Variants in ECHDC2 observed in about 807,000 individuals in gnomAD.
ECHDC2 encodes the protein enoyl-CoA hydratase domain-containing protein 2, mitochondrial.
In ECHDC2, 34 loss-of-function variants were observed where a neutral mutation model predicts 40.6. The observed-to-expected ratio is 0.84, with a 90% CI of 0.64 to 1.11. The LOEUF is 1.11. Among genes scored for constraint, ECHDC2 ranks in the 50% most tolerant of loss-of-function variants. The probability of loss-of-function intolerance (pLI) is 0.00; values close to 1 mark genes in which losing one functional copy is unlikely to be tolerated. For missense variants in ECHDC2, 392 were observed against 400.7 expected (o/e 0.98, Z 0.19); for synonymous variants, 162 against 166.6 (o/e 0.97, Z 0.21).
intron 3 of ECHDC2, among the ~76,000 whole-genome samples, chr1:52,910,822 C>T (rs984798049): frequency 1.3e-5 from 2 of 152,202 alleles, no homozygotes; most frequent in Admixed American, 6.5e-5. Flanking sequence ...GGTGGGCAAG[C>T]GCCTTGGCGG....
intron 1 of ECHDC2, chr1:52,913,856 G>C: frequency 1.0e-6 from 1 of 975,194 alleles, no homozygotes. Context: ...ACACGTATCT[G>C]CCTTGGCTTT....
chr1:52,908,092 G>C, intron 3 of ECHDC2, 138 bp from the exon 4 acceptor site: 2 of 688,268 alleles, frequency 2.9e-6, no homozygotes. Flanking sequence ...CCCGGGCAAG[G>C]AAGTCAAGGG....
intron 1 of ECHDC2, among the ~76,000 whole-genome samples, chr1:52,918,949 C>A (rs539561368): frequency 1.3e-5 from 2 of 152,144 alleles, no homozygotes; most frequent in African/African-American, 4.8e-5. Context: ...TACAGCAGCT[C>A]CCCATGGCTT....
rs150157814 is a variant in ECHDC2 at position 52,904,812 on chromosome 1, C to T, written c.536G>A (p.Arg179His). Residue 179 changes from arginine to histidine, a missense_variant, in exon 7 of 10, where the codon CGT (arginine) becomes CAT (histidine). Physicochemically the swap from Arg to His is conservative, Grantham distance 29 (BLOSUM62 0). Transcript: ENST00000371522. ...PGAGGTQRLP[R>H]CLGVALAKEL... Reference sequence around the variant, plus strand: ...CTTCGCCAGGGCCACCCCCAGACAACGGGGCAGCCTCTGAGTCCCTCCTAC... The same window carrying T: ...CTTCGCCAGGGCCACCCCCAGACAATGGGGCAGCCTCTGAGTCCCTCCTAC... 41 of 1,612,470 alleles carry T rather than the reference C, an allele frequency of 2.5e-5. No individual in the cohort carries two copies. Among genetic ancestry groups the T allele is most frequent in the African/African-American group, 1.3e-4 (10 of 74,910 alleles).
rs923471297 is a variant in ECHDC2 at position 52,899,177 on chromosome 1, C to T, written c.750G>A (p.Thr250=). The T allele has an allele frequency of 1.9e-6, 3 of 1,614,194 alleles. No homozygotes were observed. Among genetic ancestry groups the T allele is most frequent in the East Asian group, 2.2e-5 (1 of 44,870 alleles). ...TCCCAACCCAAAACCCTCTCACCTC[C>T]GTTCCTCGGTCAATGGCTACTTTGC... ...RLGKVAIDRG[T]EVDIASGMAI... is the part of the protein sequence containing the mutation. Residue 250 remains threonine (T), a synonymous_variant, in exon 8 of 10, where the codon ACG becomes ACA. Transcript: ENST00000371522.
Position 52,900,324 on chromosome 1 carries a change from C to CA in ECHDC2, c.703-1101dup, listed in dbSNP as rs550271146. ...AGTATGCCACAGGAGAGCAATTTGG[C>CA]AAAAACTGGCAAAATGCTGGTGTGC... On this transcript the variant is annotated intron_variant, in intron 7 of 9. Transcript: ENST00000371522. 9.3e-4 allele frequency: 141 copies of CA among 152,186 alleles called. 1 individual carries two copies. The highest frequency in any genetic ancestry group is 3.2e-3 in the African/African-American group (133 of 41,538). The allele number at this position is 152,186 out of a possible 1,614,324, so 9.4% of individuals were successfully genotyped here. A position where few individuals can be genotyped will look rare whatever the true frequency, so the allele number is the denominator to read the frequency against.
Position 52,911,650 on chromosome 1 carries a change from G to A in ECHDC2, c.193C>T (p.Leu65=), listed in dbSNP as rs574010101. 1.2e-6 allele frequency: 2 copies of A among 1,614,196 alleles called. No homozygotes were observed. The highest frequency in any genetic ancestry group is 3.3e-5 in the Admixed American group (2 of 60,028). Residue 65 remains leucine (L), a synonymous_variant, in exon 3 of 10, where the codon CTG becomes TTG. Coordinates refer to ENST00000371522, the MANE Select transcript of ECHDC2 (RefSeq NM_001198961.2). ...TCCCGCAGCTGGGCCAGAGTTTCCA[G>A]CAGCTACAGAGGACACCCAGTTAGA... ...ALGNVFVSEL[L]ETLAQLREDR...
chr1:52,921,591 G>A lies in ECHDC2; in HGVS notation c.83C>T (p.Ser28Leu), dbSNP rs773054731. 1.6e-5 allele frequency: 25 copies of A among 1,607,668 alleles called. No individual in the cohort carries two copies. The highest frequency in any genetic ancestry group is 2.1e-5 in the Non-Finnish European group (25 of 1,177,864). ...CGCCAGGGCGCGCACTTGGATCTCT[G>A]AGCCCCCGGCCGCCCCGTCGGAAGC... is the stretch of plus-strand genomic sequence containing the variant. ...GCASDGAAGG[S>L]EIQVRALAGP... is the part of the protein sequence containing the mutation. The change falls in exon 1 of 10, where the codon TCA becomes TTA. Residue 28 changes from serine (S) to leucine (L), a missense_variant. Coordinates refer to ENST00000371522, the MANE Select transcript of ECHDC2 (RefSeq NM_001198961.2).
At chr1:52,905,219 A>AT in intron 5 of ECHDC2, 129 bp from the exon 6 acceptor site, 1 of 967,776 alleles carries the variant, frequency 1.0e-6, no homozygotes, top group Non-Finnish European at 1.6e-6. Flanking sequence ...GGCCACAGCC[A>AT]GGCCTCTCCA....
intron 1 of ECHDC2, chr1:52,921,296 T>A: frequency 1.4e-6 from 1 of 734,808 alleles, no homozygotes; most frequent in Non-Finnish European, 1.9e-6. Context: ...CGCTCCCCCT[T>A]CCACACAGTC....
chr1:52,916,981 T>C (rs1401962334), intron 1 of ECHDC2, among the ~76,000 whole-genome samples: 2 of 152,158 alleles, frequency 1.3e-5, no homozygotes, highest in East Asian at 1.9e-4. Flanking sequence ...CCCAGCACTT[T>C]GGGAGGCCGA....
At position 52,901,910 on chromosome 1, in the gene ECHDC2, G is replaced by A. The variant is rs1276539280; in HGVS notation, c.703-2686C>T. 7 of 152,098 alleles carry A rather than the reference G, an allele frequency of 4.6e-5. No individual in the cohort carries two copies. In the East Asian group the frequency reaches 1.3e-3, roughly 29 times the overall value. 9.4% of individuals were successfully genotyped at this position (152,098 alleles called of 1,614,324 possible). A position where few individuals can be genotyped will look rare whatever the true frequency, so the allele number is the denominator to read the frequency against. On this transcript the variant is annotated intron_variant, in intron 7 of 9. Coordinates refer to ENST00000371522, the MANE Select transcript of ECHDC2 (RefSeq NM_001198961.2). ...AAGCTGCAATCAGCCACTCCATTGA[G>A]TGACCCAGAGTTCTGTATTAGTTCG...
chr1:52,902,086 A>G (rs1320395008), intron 7 of ECHDC2: 1 of 152,106 alleles, frequency 6.6e-6, no homozygotes, highest in Non-Finnish European at 1.5e-5. Flanking sequence ...CAAATTAAAG[A>G]AGATCTGTTT....
At chr1:52,903,851 G>C (rs1337116200) in intron 7 of ECHDC2, among the ~76,000 whole-genome samples, 1 of 144,540 alleles carries the variant, frequency 6.9e-6, no homozygotes, top group Admixed American at 7.2e-5. Context: ...ATGAAGTCTC[G>C]TCCTGTCGCC....
rs777603823 is a variant in ECHDC2 at position 52,921,692 on chromosome 1, T to C, written c.-19A>G. ...GCAGCATCGGGGCGCAGGCTGGGAG[T>C]GAAGGTGCTTCTCCGGCCCTGCACC... On this transcript the variant is annotated 5_prime_UTR_variant, in exon 1 of 10. Transcript: ENST00000371522. 4 of 1,533,212 alleles carry C rather than the reference T, an allele frequency of 2.6e-6. No homozygotes were observed. The South Asian group carries it at 5.0e-5, about 19-fold the overall frequency. The allele number at this position is 1,533,212 out of a possible 1,614,324, so 95.0% of individuals were successfully genotyped here.
At chr1:52,919,141 G>A (rs1206714300) in intron 1 of ECHDC2, among the ~76,000 whole-genome samples, 2 of 152,202 alleles carry the variant, frequency 1.3e-5, no homozygotes, top group South Asian at 2.1e-4. Context: ...CTGTCCGCCC[G>A]CAAGTCCATG....
intron 3 of ECHDC2, among the ~76,000 whole-genome samples, chr1:52,909,784 A>G (rs1255306239): frequency 1.3e-5 from 2 of 152,190 alleles, no homozygotes; most frequent in East Asian, 1.9e-4. Context: ...TTTGTTGTTA[A>G]CATTTTCAAT....
Position 52,899,208 on chromosome 1 carries a change from C to T in ECHDC2, c.719G>A (p.Arg240Gln), listed in dbSNP as rs370118920. 28 of 1,613,500 alleles carry T rather than the reference C, an allele frequency of 1.7e-5. No individual in the cohort carries two copies. The highest frequency in any genetic ancestry group is 3.3e-5 in the South Asian group (3 of 91,068). ...TCGGTCAATGGCTACTTTGCCCAGC[C>T]GCACGGCAATGGGGGCCTAGGGAAA... Reference protein sequence around the residue: ...EILPQAPIAVRLGKVAIDRGT... With the variant: ...EILPQAPIAVQLGKVAIDRGT... Residue 240 changes from arginine (R) to glutamine (Q), a missense_variant, in exon 8 of 10, where the codon CGG becomes CAG. Transcript: ENST00000371522.
intron 1 of ECHDC2, among the ~76,000 whole-genome samples, chr1:52,918,838 T>G (rs1651296515): frequency 6.6e-6 from 1 of 152,176 alleles, no homozygotes. Flanking sequence ...AGTAATGTCC[T>G]AGGCCAGGGG....
Sources: gnomAD v4.1 joint callset for allele counts (sites outside exome capture counted in the v4.1 genomes callset) on GRCh38, gnomAD v4.1.1 for gene constraint, MANE v1.5 for transcripts, NCBI Gene and HGNC (gene_info 2026-07-23, HGNC 2026-07-21) for gene names.